PTPRD: variants seen among roughly 807,000 people sequenced by gnomAD.
PTPRD encodes protein tyrosine phosphatase receptor type D.
PTPRD carries 34 observed loss-of-function variants against 214.5 expected under a neutral mutation model. That is an observed-to-expected ratio of 0.16 (90% CI 0.12 to 0.21). PTPRD has a LOEUF of 0.21. Among genes scored for constraint, PTPRD ranks in the 10% least tolerant of loss-of-function variants. The pLI is 1.00. For synonymous variants in PTPRD, 1,128 were observed against 845.7 expected, an observed-to-expected ratio of 1.33 and a Z score of -5.79; for missense variants, 2,545 against 2,398.7, an observed-to-expected ratio of 1.06 and a Z score of -1.27.
intron 7 of PTPRD, among the ~76,000 whole-genome samples, chr9:9,695,053 AGCTGAGAGTAT>A (rs878956139): frequency 1.3e-5 from 2 of 152,178 alleles, no homozygotes; most frequent in Non-Finnish European, 2.9e-5. Context: ...TAGCCACCGT[AGCTGAGAGTAT>A]GCTGGGTCTC....
intron 5 of PTPRD, among the ~76,000 whole-genome samples, chr9:9,870,848 T>C (rs1246166298): frequency 6.6e-6 from 1 of 152,100 alleles, no homozygotes; most frequent in Non-Finnish European, 1.5e-5. Context: ...ATCTTAACAA[T>C]TGTTGAGCCT....
At position 8,954,024 on chromosome 9, in the gene PTPRD, C is replaced by G. The variant is rs182786625; in HGVS notation, c.-104+64673G>C. On this transcript the variant is annotated intron_variant, in intron 11 of 45. Coordinates refer to ENST00000381196, the MANE Select transcript of PTPRD (RefSeq NM_002839.4). ...ACCCAAAGTAAAAGAAATCATTCTA[C>G]CAAAAGGACACATGCACTCATATGT... Among the ~76,000 whole-genome samples the G allele has an allele frequency of 5.5e-3, 830 of 151,970 alleles. 1 individual carries two copies. Among genetic ancestry groups the G allele is most frequent in the African/African-American group, 0.019 (804 of 41,496 alleles).
At chr9:8,736,702 C>G (rs996582076) in intron 11 of PTPRD, among the ~76,000 whole-genome samples, 15 of 143,558 alleles carry the variant, frequency 1.0e-4, no homozygotes, top group African/African-American at 3.3e-4. Flanking sequence ...AGATAGTCTC[C>G]TTTTTTTTTT....
intron 44 of PTPRD, 36 bp from the exon 45 acceptor site, chr9:8,320,002 A>C (rs761086013): frequency 1.6e-5 from 25 of 1,605,926 alleles, no homozygotes; most frequent in Non-Finnish European, 2.0e-5. Flanking sequence ...ACTGGGTGAG[A>C]TGTTCACAGT....
intron 8 of PTPRD, among the ~76,000 whole-genome samples, chr9:9,480,635 A>G (rs1487566178): frequency 6.6e-6 from 1 of 152,136 alleles, no homozygotes; most frequent in Non-Finnish European, 1.5e-5. Flanking sequence ...TTAGTAATGT[A>G]TATTTTTTCA....
intron 3 of PTPRD, among the ~76,000 whole-genome samples, chr9:10,220,888 A>G (rs1266634781): frequency 6.6e-6 from 1 of 151,896 alleles, no homozygotes; most frequent in Non-Finnish European, 1.5e-5. Flanking sequence ...ATAGAAGAGA[A>G]GAGAGAAAGC....
At chr9:8,360,741 A>G (rs1203648449) in intron 39 of PTPRD, among the ~76,000 whole-genome samples, 5 of 152,218 alleles carry the variant, frequency 3.3e-5, no homozygotes, top group Non-Finnish European at 7.3e-5. Context: ...GAGCCAAATT[A>G]TCCAGGCTAT....
At chr9:8,453,918 T>C (rs1483572202) in intron 33 of PTPRD, among the ~76,000 whole-genome samples, 3 of 152,330 alleles carry the variant, frequency 2.0e-5, no homozygotes, top group Non-Finnish European at 4.4e-5. Flanking sequence ...ATGTTTTTTG[T>C]AGTTTAATTT....
At chr9:10,492,606 G>A (rs2040688447) in intron 2 of PTPRD, among the ~76,000 whole-genome samples, 2 of 152,038 alleles carry the variant, frequency 1.3e-5, no homozygotes, top group Non-Finnish European at 2.9e-5. Context: ...GTAGATTCTG[G>A]ATATTAGCCC....
chr9:8,521,584 G>A (rs1039428731), intron 19 of PTPRD, 38 bp from the exon 20 acceptor site: 1 of 1,595,052 alleles, frequency 6.3e-7, no homozygotes, highest in Non-Finnish European at 8.5e-7. Context: ...ACATATACAA[G>A]GCAAGAAAAA....
chr9:10,010,805 A>G (rs1483213157), intron 4 of PTPRD, among the ~76,000 whole-genome samples: 1 of 152,034 alleles, frequency 6.6e-6, no homozygotes, highest in Non-Finnish European at 1.5e-5. Context: ...TGTTAAAACT[A>G]ACTTAACACT....
At chr9:10,323,140 ATTCT>A (rs963883108) in intron 3 of PTPRD, among the ~76,000 whole-genome samples, 4 of 151,574 alleles carry the variant, frequency 2.6e-5, no homozygotes, top group African/African-American at 9.7e-5. Flanking sequence ...ATATACATCA[ATTCT>A]TTCTATTTTC....
At chr9:9,915,037 G>A (rs184036397) in intron 5 of PTPRD, among the ~76,000 whole-genome samples, 31 of 152,190 alleles carry the variant, frequency 2.0e-4, no homozygotes, top group Middle Eastern at 6.8e-3. Context: ...AAATAGCCCG[G>A]TGAGCCAACT....
intron 3 of PTPRD, among the ~76,000 whole-genome samples, chr9:10,154,189 A>G (rs143082025): frequency 3.5e-4 from 53 of 152,206 alleles, no homozygotes; most frequent in Non-Finnish European, 6.3e-4. Flanking sequence ...ATGGTATCTC[A>G]TTGTGGTTTT....
chr9:10,306,143 A>G (rs2096060600), intron 3 of PTPRD, among the ~76,000 whole-genome samples: 1 of 151,926 alleles, frequency 6.6e-6, no homozygotes, highest in South Asian at 2.1e-4. Flanking sequence ...GAAGCTGGAA[A>G]CCATCATTTT....
At chr9:8,511,986 A>G (rs977967612) in intron 21 of PTPRD, among the ~76,000 whole-genome samples, 2 of 152,148 alleles carry the variant, frequency 1.3e-5, no homozygotes, top group Admixed American at 6.5e-5. Context: ...AGAGATTAAT[A>G]TTTGAATAAA....
chr9:9,083,917 G>A (rs1468025864), intron 10 of PTPRD, among the ~76,000 whole-genome samples: 1 of 152,170 alleles, frequency 6.6e-6, no homozygotes, highest in Non-Finnish European at 1.5e-5. Context: ...ATGCTAGAGA[G>A]GATGTGGAGA....
At chr9:10,548,740 G>T in intron 2 of PTPRD, among the ~76,000 whole-genome samples, 1 of 14,810 alleles carries the variant, frequency 6.8e-5, no homozygotes, top group East Asian at 1.1e-3. Flanking sequence ...TTAACTTTGA[G>T]CAACATCTTA....
In PTPRD at chr9:9,324,184, C is replaced by T. The variant is rs141463457; in HGVS notation, c.-203+73265G>A. On this transcript the variant is annotated intron_variant, in intron 9 of 45. Transcript: ENST00000381196. Reference sequence around the variant, plus strand: ...TGTGTCTTTATAGCAGCATGATTTACAATCCTTTGGGTATACACGCAGTAA... The same window carrying T: ...TGTGTCTTTATAGCAGCATGATTTATAATCCTTTGGGTATACACGCAGTAA... Among the ~76,000 whole-genome samples, 630 of 152,190 alleles carry T rather than the reference C, an allele frequency of 4.1e-3. 6 individuals are homozygous for T. The highest frequency in any genetic ancestry group is 0.014 in the African/African-American group (586 of 41,526).
Sources: gnomAD v4.1 joint callset for allele counts (sites outside exome capture counted in the v4.1 genomes callset) on GRCh38, gnomAD v4.1.1 for gene constraint, MANE v1.5 for transcripts, NCBI Gene and HGNC (gene_info 2026-07-23, HGNC 2026-07-21) for gene names.